The following PTCD3 variants were observed in gnomAD, a reference collection of about 807,000 sequenced individuals.
The protein encoded by PTCD3 is small ribosomal subunit protein mS39.
In PTCD3, 89 loss-of-function variants were observed where a neutral mutation model predicts 101.9. The ratio of observed to expected loss-of-function variants is 0.87; its 90% confidence interval spans 0.74 to 1.04. The LOEUF (loss-of-function observed/expected upper bound fraction) is 1.04. Among genes scored for constraint, PTCD3 ranks in the 50% least tolerant of loss-of-function variants. The pLI is 0.00. For synonymous variants in PTCD3, 296 were observed against 278.5 expected (o/e 1.06, Z -0.63); for missense variants, 870 against 828.2 (o/e 1.05, Z -0.62).
Position 86,137,067 on chromosome 2 carries a change from G to A in PTCD3, c.1906G>A (p.Ala636Thr), listed in dbSNP as rs1171403727. ...CATTGAAGTAGTAGAGCTGGCAAGTGCCTTCAGCTTACCTATTTGTGAGGG... is the reference window on the plus strand; with the variant it reads ...CATTGAAGTAGTAGAGCTGGCAAGTACCTTCAGCTTACCTATTTGTGAGGG... Reference protein sequence around the residue: ...QAIEVVELASAFSLPICEGLT... With the variant: ...QAIEVVELASTFSLPICEGLT... The change falls in exon 23 of 24, where the codon GCC becomes ACC. Residue 636 changes from alanine (A) to threonine (T), a missense_variant. Ala to Thr is a moderately conservative substitution (Grantham distance 58). Transcript: ENST00000254630. The A allele has an allele frequency of 6.2e-7, 1 of 1,613,266 alleles. No individual in the cohort carries two copies.
chr2:86,124,224 G>A (rs1280627102), intron 9 of PTCD3, among the ~76,000 whole-genome samples: 1 of 152,152 alleles, frequency 6.6e-6, no homozygotes, highest in African/African-American at 2.4e-5. Flanking sequence ...GAATTAGCTG[G>A]GTGTCTAAAA....
At chr2:86,134,402 T>G in intron 20 of PTCD3, 25 bp downstream of exon 20, 1 of 1,563,846 alleles carries the variant, frequency 6.4e-7, no homozygotes, top group Non-Finnish European at 8.8e-7. Flanking sequence ...CACCAGCCAG[T>G]ATATCCTCCC....
In PTCD3 at chr2:86,141,633, ATGTG is replaced by A. The variant is rs2104467361; in HGVS notation, c.*4077_*4080del. ...TTAAACATGAAAATGTTAAATCAGG[ATGTG>A]TGAGTTTTAAGATGTTGAACACTGT... On this transcript the variant is annotated 3_prime_UTR_variant, in exon 24 of 24. Transcript: ENST00000254630. 2 of 152,314 alleles carry A rather than the reference ATGTG, an allele frequency of 1.3e-5. No homozygotes were observed. Among genetic ancestry groups the A allele is most frequent in the African/African-American group, 4.8e-5 (2 of 41,584 alleles). The allele number at this position is 152,314 out of a possible 1,614,324, so 9.4% of individuals were successfully genotyped here.
chr2:86,129,535 A>C (rs1674458139), intron 14 of PTCD3, among the ~76,000 whole-genome samples: 1 of 152,118 alleles, frequency 6.6e-6, no homozygotes, highest in Non-Finnish European at 1.5e-5. Context: ...CCAGCTACTC[A>C]GGAGTGTGAG....
intron 16 of PTCD3, among the ~76,000 whole-genome samples, 178 bp downstream of exon 16, chr2:86,131,284 C>T (rs1191530699): frequency 1.3e-5 from 2 of 151,810 alleles, no homozygotes; most frequent in African/African-American, 4.8e-5. Flanking sequence ...TCACTGTGTC[C>T]CCCATGCTGG....
chr2:86,116,645 C>T (rs367632837), intron 5 of PTCD3, 47 bp downstream of exon 5: 114 of 1,364,642 alleles, frequency 8.4e-5, no homozygotes, highest in African/African-American at 7.0e-4. Context: ...CTCTGGTTTG[C>T]GTACAACAGT....
At chr2:86,137,252 T>C in intron 23 of PTCD3, 112 bp downstream of exon 23, 1 of 1,360,106 alleles carries the variant, frequency 7.4e-7, no homozygotes, top group Non-Finnish European at 9.9e-7. Flanking sequence ...AAAGTCAGAA[T>C]GTAGTAATTT....
At chr2:86,117,969 G>C (rs1231260547) in intron 6 of PTCD3, among the ~76,000 whole-genome samples, 1 of 152,100 alleles carries the variant, frequency 6.6e-6, no homozygotes, top group Non-Finnish European at 1.5e-5. Flanking sequence ...TAGAGACGGG[G>C]TTTTACCATC....
At chr2:86,123,103 A>G (rs1289080549) in intron 8 of PTCD3, among the ~76,000 whole-genome samples, 1 of 152,090 alleles carries the variant, frequency 6.6e-6, no homozygotes, top group Admixed American at 6.5e-5. Flanking sequence ...ACTAAAAAAA[A>G]TACAAAAAAT....
At chr2:86,123,551 G>C (rs1473167449) in intron 8 of PTCD3, 150 bp from the exon 9 acceptor site, 7 of 562,826 alleles carry the variant, frequency 1.2e-5, no homozygotes, top group Non-Finnish European at 2.1e-5. Flanking sequence ...ATAGGTGTAA[G>C]CGTAACTGGG....
At chr2:86,130,968 C>A in intron 15 of PTCD3, 110 bp from the exon 16 acceptor site, 1 of 1,397,318 alleles carries the variant, frequency 7.2e-7, no homozygotes, top group Non-Finnish European at 9.8e-7. Context: ...ATGTTCTTAG[C>A]TTTATCTTGC....
chr2:86,109,402 A>C (rs1674033717), intron 3 of PTCD3, among the ~76,000 whole-genome samples: 1 of 70,408 alleles, frequency 1.4e-5, no homozygotes, highest in Admixed American at 1.6e-4. Context: ...GCAAGACTCC[A>C]TCTCAAAAAA....
intron 12 of PTCD3, among the ~76,000 whole-genome samples, chr2:86,126,271 G>C (rs1013054295): frequency 6.6e-6 from 1 of 151,600 alleles, no homozygotes; most frequent in Non-Finnish European, 1.5e-5. Context: ...ACATGGGCTG[G>C]AGACAGCATT....
chr2:86,129,962 A>G (rs1573856905), intron 14 of PTCD3, among the ~76,000 whole-genome samples: 1 of 152,058 alleles, frequency 6.6e-6, no homozygotes, highest in Admixed American at 6.6e-5. Flanking sequence ...CTTTTTCTTG[A>G]CCTCATTCTG....
rs750305612 is a variant in PTCD3, at chr2:86,121,551, C to T, written c.611C>T (p.Ser204Leu). The T allele has an allele frequency of 1.9e-6, 3 of 1,611,246 alleles. No individual in the cohort carries two copies. The highest frequency in any genetic ancestry group is 2.5e-6 in the Non-Finnish European group (3 of 1,178,716). ...LLCYYGDQEP[S>L]TDYHFQQTGQ... is the part of the protein sequence containing the mutation. ...TGTTACTATGGTGACCAGGAGCCCT[C>T]AACTGATTACCATTTTCAACAAACT... The change falls in exon 8 of 24, where the codon TCA becomes TTA. Residue 204 changes from serine to leucine, a missense_variant. Ser to Leu is a moderately radical substitution (Grantham distance 145). Transcript: ENST00000254630.
intron 21 of PTCD3, chr2:86,135,335 T>C (rs768577879): frequency 3.3e-5 from 6 of 181,408 alleles, no homozygotes; most frequent in Non-Finnish European, 5.8e-5. Context: ...ATTTGGGTTA[T>C]TGAAGTATTT....
At chr2:86,137,173 A>T in intron 23 of PTCD3, 33 bp downstream of exon 23, 1 of 1,535,566 alleles carries the variant, frequency 6.5e-7, no homozygotes, top group Non-Finnish European at 8.8e-7. Context: ...AGTTTGTAAA[A>T]TGGAGACCTT....
Position 86,138,176 on chromosome 2 carries a change from T to TAGAA in PTCD3, c.*617_*618insAGAA, listed in dbSNP as rs1674627472. 6.6e-6 allele frequency: 1 copy of TAGAA among 152,608 alleles called. No homozygotes were observed. The highest frequency in any genetic ancestry group is 1.5e-5 in the Non-Finnish European group (1 of 68,338). The allele number at this position is 152,608 out of a possible 1,614,324, so 9.5% of individuals were successfully genotyped here. A position where few individuals can be genotyped will look rare whatever the true frequency, so the allele number is the denominator to read the frequency against. ...TTGTTAATATAGCCGCTGCCATAGT[T>TAGAA]TTCTAACTTGAACAGCCATGAATGT... On this transcript the variant is annotated 3_prime_UTR_variant, in exon 24 of 24. Coordinates refer to ENST00000254630, the MANE Select transcript of PTCD3 (RefSeq NM_017952.6).
chr2:86,125,914 G>A (rs775773533), intron 12 of PTCD3, 34 bp downstream of exon 12: 2 of 1,423,918 alleles, frequency 1.4e-6, no homozygotes, highest in Non-Finnish European at 2.0e-6. Context: ...TTTTTAATAG[G>A]GCTTAAATAC....
Sources: allele counts gnomAD v4.1 joint callset (sites outside exome capture counted in the v4.1 genomes callset), GRCh38; gene constraint gnomAD v4.1.1; transcripts MANE v1.5; gene names NCBI Gene and HGNC (gene_info 2026-07-23, HGNC 2026-07-21).